Variants in ATG13 observed in about 807,000 individuals in gnomAD.
The protein encoded by ATG13 is autophagy-related protein 13.
ATG13 carries 23 observed loss-of-function variants against 65.5 expected under a neutral mutation model. The observed-to-expected ratio is 0.35, with a 90% CI of 0.25 to 0.50. The LOEUF is 0.50. ATG13 is among the 20% of genes least tolerant of loss of function. The pLI is 0.98. For synonymous variants in ATG13, 252 were observed against 245.2 expected, an observed-to-expected ratio of 1.03 and a Z score of -0.26; for missense variants, 566 against 677.0, an observed-to-expected ratio of 0.84 and a Z score of 1.82.
chr11:46,621,031 T>C (rs2047324944), intron 1 of ATG13: 1 of 152,174 alleles, frequency 6.6e-6, no homozygotes, highest in African/African-American at 2.4e-5. Flanking sequence ...CTTTTTTTTT[T>C]TGATACGGAG....
chr11:46,668,378 G>A (rs2062872922), intron 15 of ATG13, 121 bp from the exon 16 acceptor site: 9 of 965,150 alleles, frequency 9.3e-6, no homozygotes, highest in Middle Eastern at 6.1e-4. Flanking sequence ...GAGCCTAAGG[G>A]GCAGCATGGT....
intron 2 of ATG13, 25 bp from the exon 3 acceptor site, chr11:46,644,254 T>TCTC (rs2056948600): frequency 6.6e-7 from 1 of 1,517,674 alleles, no homozygotes; most frequent in Non-Finnish European, 9.0e-7. Context: ...ATATTAGTCA[T>TCTC]ATTTTTTTCA....
intron 14 of ATG13, among the ~76,000 whole-genome samples, chr11:46,666,183 G>A (rs1446532150): frequency 1.3e-5 from 2 of 152,170 alleles, no homozygotes; most frequent in Admixed American, 6.5e-5. Flanking sequence ...TGATATATCT[G>A]CTGGGATGTC....
chr11:46,626,366 T>C (rs2049627535), intron 1 of ATG13, among the ~76,000 whole-genome samples: 1 of 152,116 alleles, frequency 6.6e-6, no homozygotes, highest in African/African-American at 2.4e-5. Context: ...TTCTCCTGCC[T>C]CATCCTCCCG....
chr11:46,642,305 T>G (rs1289893090), intron 2 of ATG13, among the ~76,000 whole-genome samples: 5 of 4,730 alleles, frequency 1.1e-3, no homozygotes, highest in Non-Finnish European at 7.4e-3. Flanking sequence ...TTTTTGTGGG[T>G]TTTTTTTTTT....
intron 2 of ATG13, among the ~76,000 whole-genome samples, chr11:46,642,827 CCT>C (rs572398269): frequency 5.3e-5 from 8 of 152,174 alleles, no homozygotes; most frequent in Non-Finnish European, 1.0e-4. Flanking sequence ...GGTGGGCTCC[CCT>C]GTCTCGCACA....
At position 46,650,252 on chromosome 11, in the gene ATG13, AACT is replaced by A; in HGVS notation, c.395_397del (p.Thr132del). ...TGCTGCTGAAGTCCCTTCTTGCTAT[AACT>A]AGGGTGACACCAGCCTATAGGCTCT... is the stretch of plus-strand genomic sequence containing the variant. On this transcript the variant is annotated inframe_deletion, in exon 7 of 19. Transcript: ENST00000683050. 1 of 1,614,074 alleles carries A rather than the reference AACT, an allele frequency of 6.2e-7. No homozygotes were observed. Among genetic ancestry groups the A allele is most frequent in the Non-Finnish European group, 8.5e-7 (1 of 1,179,996 alleles).
intron 18 of ATG13, among the ~76,000 whole-genome samples, chr11:46,670,069 G>A (rs1592292051): frequency 6.6e-6 from 1 of 152,186 alleles, no homozygotes; most frequent in Admixed American, 6.5e-5. Flanking sequence ...CACAAACTGG[G>A]TGCCCCATGC....
At chr11:46,668,315 A>T (rs1188473442) in intron 15 of ATG13, among the ~76,000 whole-genome samples, 184 bp from the exon 16 acceptor site, 1 of 152,162 alleles carries the variant, frequency 6.6e-6, no homozygotes, top group Non-Finnish European at 1.5e-5. Flanking sequence ...CTGTGGGTGT[A>T]TGTGATGGGG....
chr11:46,622,985 A>G (rs1227279332), intron 1 of ATG13, among the ~76,000 whole-genome samples: 1 of 152,188 alleles, frequency 6.6e-6, no homozygotes, highest in African/African-American at 2.4e-5. Flanking sequence ...TAGAGTCATC[A>G]TTCTAGCTGT....
Position 46,672,862 on chromosome 11 carries a change from T to C in ATG13, c.*530T>C, listed in dbSNP as rs569701008. ...TACTTCCTGCTATCTTCTTCTCCTC[T>C]TCTTCTCTCTCTTGCCTCTATGCCT... On this transcript the variant is annotated 3_prime_UTR_variant, in exon 19 of 19. Coordinates refer to ENST00000683050, the MANE Select transcript of ATG13 (RefSeq NM_001346311.2). 1.2e-5 allele frequency: 14 copies of C among 1,147,224 alleles called. No individual in the cohort carries two copies. Among genetic ancestry groups the C allele is most frequent in the Middle Eastern group, 3.5e-4 (1 of 2,868 alleles). 71.1% of individuals were successfully genotyped at this position (1,147,224 alleles called of 1,614,324 possible). A position where few individuals can be genotyped will look rare whatever the true frequency, so the allele number is the denominator to read the frequency against.
At chr11:46,632,906 T>C (rs754927966) in intron 2 of ATG13, among the ~76,000 whole-genome samples, 1 of 149,952 alleles carries the variant, frequency 6.7e-6, no homozygotes, top group Non-Finnish European at 1.5e-5. Context: ...CTCACAACTG[T>C]AATCCCAGTG....
chr11:46,666,364 C>T (rs1399925112), intron 14 of ATG13, among the ~76,000 whole-genome samples: 1 of 152,086 alleles, frequency 6.6e-6, no homozygotes, highest in Non-Finnish European at 1.5e-5. Flanking sequence ...TGACCATGGC[C>T]CTGAAGTCTG....
rs2056975946 is a variant in ATG13 at position 46,644,352 on chromosome 11, G to A, written c.61G>A (p.Ala21Thr). ...CCTGGACAAGTTTATTAAATTTTTT[G>A]CCCTCAAGGTAATGTGTCCATTCTC... ...KDLDKFIKFF[A>T]LKTVQVIVQA... Residue 21 changes from alanine to threonine, a missense_variant, in exon 3 of 19, where the codon GCC becomes ACC. By Grantham distance (58) the Ala-to-Thr change is moderately conservative (BLOSUM62 0). Transcript: ENST00000683050. The A allele has an allele frequency of 1.2e-6, 2 of 1,605,772 alleles. No homozygotes were observed. The highest frequency in any genetic ancestry group is 1.4e-5 in the African/African-American group (1 of 73,848).
In ATG13 at chr11:46,659,386, C is replaced by T. The variant is rs1008083989; in HGVS notation, c.696-6C>T. On this transcript the variant is annotated splice_polypyrimidine_tract_variant and splice_region_variant and intron_variant, in intron 10 of 18. Coordinates refer to ENST00000683050, the MANE Select transcript of ATG13 (RefSeq NM_001346311.2). ...AAAATTCATTATTTCTTTCTTTTCA[C>T]TTTAGAACTGCTGGTGAGGACACTG... The T allele has an allele frequency of 1.9e-6, 3 of 1,607,514 alleles. No homozygotes were observed. Among genetic ancestry groups the T allele is most frequent in the Non-Finnish European group, 2.6e-6 (3 of 1,174,398 alleles).
At chr11:46,631,190 A>G (rs1263567755) in intron 2 of ATG13, among the ~76,000 whole-genome samples, 1 of 152,128 alleles carries the variant, frequency 6.6e-6, no homozygotes, top group Non-Finnish European at 1.5e-5. Flanking sequence ...GTATGTATGT[A>G]TGTAAGTGTA....
chr11:46,640,734 T>C (rs979199834), intron 2 of ATG13, among the ~76,000 whole-genome samples: 1 of 152,172 alleles, frequency 6.6e-6, no homozygotes, highest in African/African-American at 2.4e-5. Context: ...ATAGGGGAAA[T>C]TTCAGTCATC....
chr11:46,633,651 A>T (rs1009191417), intron 2 of ATG13, among the ~76,000 whole-genome samples: 1 of 151,834 alleles, frequency 6.6e-6, no homozygotes, highest in African/African-American at 2.4e-5. Flanking sequence ...CTGGCCAAAA[A>T]TTTTTTTTAA....
chr11:46,672,141 C>T (rs2063883283), intron 18 of ATG13, 114 bp from the exon 19 acceptor site: 1 of 1,540,080 alleles, frequency 6.5e-7, no homozygotes. Context: ...ACTTGCTCGG[C>T]CCAGCTAGGG....
Sources: allele counts gnomAD v4.1 joint callset (sites outside exome capture counted in the v4.1 genomes callset), GRCh38; gene constraint gnomAD v4.1.1; transcripts MANE v1.5; gene names NCBI Gene and HGNC (gene_info 2026-07-23, HGNC 2026-07-21).